The following PIK3R1 variants were observed in gnomAD, a reference collection of about 807,000 sequenced individuals.
PIK3R1 encodes phosphatidylinositol 3-kinase regulatory subunit alpha.
Under a neutral mutation model 98.0 loss-of-function variants are expected in PIK3R1, and 29 were observed. That is an observed-to-expected ratio of 0.30 (90% CI 0.22 to 0.40). The LOEUF is 0.40. PIK3R1 is among the 10% of genes least tolerant of loss of function. The pLI is 1.00. For synonymous variants in PIK3R1, 282 were observed against 311.8 expected (o/e 0.90, Z 1.01); for missense variants, 596 against 872.7 (o/e 0.68, Z 3.99).
chr5:68,296,879 A>G (rs1326948665), intron 15 of PIK3R1, among the ~76,000 whole-genome samples: 1 of 152,208 alleles, frequency 6.6e-6, no homozygotes, highest in Non-Finnish European at 1.5e-5. Flanking sequence ...ACACTCCATG[A>G]TCACCTTTCA....
chr5:68,287,097 G>C (rs1207447050), intron 7 of PIK3R1, among the ~76,000 whole-genome samples: 1 of 152,206 alleles, frequency 6.6e-6, no homozygotes, highest in Admixed American at 6.5e-5. Flanking sequence ...GCTAGTTGCT[G>C]CTGTTGGCCT....
At chr5:68,282,706 C>T (rs1244168432) in intron 7 of PIK3R1, among the ~76,000 whole-genome samples, 2 of 152,144 alleles carry the variant, frequency 1.3e-5, no homozygotes, top group South Asian at 2.1e-4. Context: ...TGTCAAAGGA[C>T]CCTACATTTC....
chr5:68,273,020 T>C (rs1215895458), intron 2 of PIK3R1, among the ~76,000 whole-genome samples: 1 of 152,182 alleles, frequency 6.6e-6, no homozygotes, highest in East Asian at 1.9e-4. Flanking sequence ...TGTGGTATTA[T>C]GGGGAGAGCT....
At chr5:68,283,510 A>G (rs748772756) in intron 7 of PIK3R1, among the ~76,000 whole-genome samples, 7 of 152,370 alleles carry the variant, frequency 4.6e-5, no homozygotes, top group East Asian at 1.9e-4. Flanking sequence ...GCCTTGAAGA[A>G]TAGGTACAAT....
intron 2 of PIK3R1, among the ~76,000 whole-genome samples, chr5:68,268,829 C>T (rs1317617296): frequency 2.0e-5 from 3 of 152,154 alleles, no homozygotes; most frequent in African/African-American, 7.2e-5. Flanking sequence ...CACTTCATAA[C>T]GGTGTTGGCA....
At chr5:68,249,578 C>G (rs1745223278) in intron 2 of PIK3R1, among the ~76,000 whole-genome samples, 1 of 152,152 alleles carries the variant, frequency 6.6e-6, no homozygotes, top group Non-Finnish European at 1.5e-5. Flanking sequence ...CTTAACTAAA[C>G]TATTTCTTTC....
intron 2 of PIK3R1, among the ~76,000 whole-genome samples, chr5:68,258,066 T>C (rs537089162): frequency 3.3e-5 from 5 of 152,276 alleles, no homozygotes; most frequent in Admixed American, 6.5e-5. Context: ...AAGAGTCAAT[T>C]AGGAGCTGGG....
intron 1 of PIK3R1, chr5:68,217,542 A>G (rs1743931909): frequency 6.6e-6 from 1 of 152,150 alleles, no homozygotes; most frequent in Non-Finnish European, 1.5e-5. Context: ...GAAAGCAGAT[A>G]AGAGTTTTCT....
chr5:68,266,506 A>C (rs1249675671), intron 2 of PIK3R1, among the ~76,000 whole-genome samples: 1 of 152,232 alleles, frequency 6.6e-6, no homozygotes, highest in Non-Finnish European at 1.5e-5. Flanking sequence ...GGAAGTACAA[A>C]AACTGCTATT....
chr5:68,251,729 C>A (rs184106154), intron 2 of PIK3R1, among the ~76,000 whole-genome samples: 7 of 152,294 alleles, frequency 4.6e-5, no homozygotes, highest in Admixed American at 4.6e-4. Context: ...TCACACTTTT[C>A]CATTCTTCAG....
intron 7 of PIK3R1, among the ~76,000 whole-genome samples, chr5:68,285,560 TTTTA>T (rs1216997528): frequency 3.9e-4 from 59 of 152,296 alleles, no homozygotes; most frequent in African/African-American, 1.2e-3. Flanking sequence ...CAAACAATAG[TTTTA>T]TTTGTGTCCT....
intron 2 of PIK3R1, among the ~76,000 whole-genome samples, chr5:68,256,842 G>A (rs1361450142): frequency 6.6e-6 from 1 of 152,100 alleles, no homozygotes; most frequent in Non-Finnish European, 1.5e-5. Context: ...CCTAGCCCTA[G>A]CCCTATTGAA....
Position 68,301,220 on chromosome 5 carries a change from C to T in PIK3R1, c.*3619C>T. ...TGCCAAATTCTTATTTTTTAAAAAG[C>T]TAGTTCTATAAAATACTGGTATTAT... On this transcript the variant is annotated 3_prime_UTR_variant, in exon 16 of 16. Coordinates refer to ENST00000521381, the MANE Select transcript of PIK3R1 (RefSeq NM_181523.3). The T allele has an allele frequency of 4.7e-6, 1 of 212,692 alleles. No homozygotes were observed. 13.2% of individuals were successfully genotyped at this position (212,692 alleles called of 1,614,324 possible).
At chr5:68,287,319 A>T (rs1158597086) in intron 7 of PIK3R1, among the ~76,000 whole-genome samples, 3 of 151,596 alleles carry the variant, frequency 2.0e-5, no homozygotes, top group Non-Finnish European at 4.4e-5. Flanking sequence ...ATTTTTTTTT[A>T]CGTTCTCTAG....
At chr5:68,236,292 C>T (rs533302725) in intron 2 of PIK3R1, among the ~76,000 whole-genome samples, 3 of 151,886 alleles carry the variant, frequency 2.0e-5, no homozygotes, top group Non-Finnish European at 4.4e-5. Context: ...CTCTGTCGCC[C>T]GGGCTGGAGA....
At chr5:68,248,172 G>T (rs922017541) in intron 2 of PIK3R1, among the ~76,000 whole-genome samples, 6 of 152,004 alleles carry the variant, frequency 3.9e-5, no homozygotes, top group Non-Finnish European at 7.4e-5. Context: ...TAGAGATGGG[G>T]TTTTGCCATG....
At chr5:68,244,382 T>G (rs1744986055) in intron 2 of PIK3R1, among the ~76,000 whole-genome samples, 1 of 152,122 alleles carries the variant, frequency 6.6e-6, no homozygotes, top group Admixed American at 6.5e-5. Flanking sequence ...ATGGGTATTT[T>G]AATTAGAAAC....
chr5:68,290,154 G>T (rs1747309104), intron 7 of PIK3R1, among the ~76,000 whole-genome samples: 1 of 152,102 alleles, frequency 6.6e-6, no homozygotes, highest in African/African-American at 2.4e-5. Context: ...TGAATTCTGG[G>T]TTTTCAGTGA....
chr5:68,243,698 C>T lies in PIK3R1; in HGVS notation c.334+16689C>T, dbSNP rs371985897. 2.6e-5 allele frequency among the ~76,000 whole-genome samples: 4 copies of T among 152,344 alleles called. No individual in the cohort carries two copies. The East Asian group carries it at 5.8e-4, about 22-fold the overall frequency. On this transcript the variant is annotated intron_variant, in intron 2 of 15. Coordinates refer to ENST00000521381, the MANE Select transcript of PIK3R1 (RefSeq NM_181523.3). The stretch of plus-strand genomic sequence containing the variant: ...CTACTGTACCATCAAGACTAGCTCC[C>T]AGCCCAGGGCTTCAGCATAAAGCAG...
Sources: allele counts gnomAD v4.1 joint callset (sites outside exome capture counted in the v4.1 genomes callset), GRCh38; gene constraint gnomAD v4.1.1; transcripts MANE v1.5; gene names NCBI Gene and HGNC (gene_info 2026-07-23, HGNC 2026-07-21).